KSR2: variants seen among roughly 807,000 people sequenced by gnomAD.
KSR2 encodes the protein kinase suppressor of ras 2.
Under a neutral mutation model 107.8 loss-of-function variants are expected in KSR2, and 25 were observed. The ratio of observed to expected loss-of-function variants is 0.23; its 90% CI spans 0.17 to 0.32. KSR2 has a LOEUF of 0.32. KSR2 is among the 10% of genes least tolerant of loss of function. The pLI is 1.00. For missense variants in KSR2, 887 were observed against 1,268.9 expected, an observed-to-expected ratio of 0.70 and a Z score of 4.57; for synonymous variants, 480 against 507.0, an observed-to-expected ratio of 0.95 and a Z score of 0.71.
At position 117,463,391 on chromosome 12, in the gene KSR2, C is replaced by G. The variant is rs545791528; in HGVS notation, c.*3808G>C. 6.6e-6 allele frequency: 1 copy of G among 152,344 alleles called. No individual in the cohort carries two copies. The highest frequency in any genetic ancestry group is 1.9e-4 in the East Asian group (1 of 5,178). The allele number at this position is 152,344 out of a possible 1,614,324, so 9.4% of individuals were successfully genotyped here. ...TCCCCTGACAGCCATATCCAATCCT[C>G]TCTATCAAAGGCTAGCAAAGTTAGG... On this transcript the variant is annotated 3_prime_UTR_variant, in exon 20 of 20. Coordinates refer to ENST00000339824, the MANE Select transcript of KSR2 (RefSeq NM_173598.6).
At chr12:117,902,267 TG>T (rs1349389078) in intron 1 of KSR2, among the ~76,000 whole-genome samples, 3 of 152,144 alleles carry the variant, frequency 2.0e-5, no homozygotes, top group Admixed American at 6.6e-5. Context: ...GAGACCAGCC[TG>T]GCCAACATGG....
chr12:117,553,136 G>A (rs1448401830), intron 9 of KSR2, among the ~76,000 whole-genome samples: 1 of 152,238 alleles, frequency 6.6e-6, no homozygotes, highest in African/African-American at 2.4e-5. Flanking sequence ...CAGCTAATAA[G>A]CAAAGGAAGC....
rs140881609 is a variant in KSR2, at chr12:117,711,222, C to T, written c.987-43564G>A. ...AACAATTTTAAAGTGCCTCACGTGC[C>T]ATTAAGGAAACACACCAGGAGCTGA... On this transcript the variant is annotated intron_variant, in intron 4 of 19. Coordinates refer to ENST00000339824, the MANE Select transcript of KSR2 (RefSeq NM_173598.6). Among the ~76,000 whole-genome samples, 1,028 of 152,308 alleles carry T rather than the reference C, an allele frequency of 6.7e-3. 36 individuals are homozygous for T. The highest frequency in any genetic ancestry group is 0.056 in the Admixed American group (856 of 15,294).
chr12:117,861,537 C>T lies in KSR2; in HGVS notation c.181-1106G>A, dbSNP rs555780927. ...CCGAGTAGCTGGGACTACAGGCGCCCGCCACCACACCCGGCTAATTTTTTG... is the reference window on the plus strand; with the variant it reads ...CCGAGTAGCTGGGACTACAGGCGCCTGCCACCACACCCGGCTAATTTTTTG... On this transcript the variant is annotated intron_variant, in intron 1 of 19. Transcript: ENST00000339824. 2.3e-4 allele frequency among the ~76,000 whole-genome samples: 35 copies of T among 151,638 alleles called. 2 individuals carry two copies. The South Asian group carries it at 6.7e-3, about 29-fold the overall frequency.
At chr12:117,531,457 C>T (rs1403646131) in intron 11 of KSR2, among the ~76,000 whole-genome samples, 4 of 152,122 alleles carry the variant, frequency 2.6e-5, no homozygotes, top group Non-Finnish European at 4.4e-5. Context: ...CAGGCCTTTC[C>T]ACGGTGCCTT....
At chr12:117,762,495 A>G (rs1030732540) in intron 3 of KSR2, among the ~76,000 whole-genome samples, 2 of 152,226 alleles carry the variant, frequency 1.3e-5, no homozygotes, top group Admixed American at 1.3e-4. Flanking sequence ...GCCATGATAG[A>G]CAAGAAAACA....
chr12:117,726,948 A>G (rs900714529), intron 4 of KSR2, among the ~76,000 whole-genome samples: 1 of 152,190 alleles, frequency 6.6e-6, no homozygotes, highest in African/African-American at 2.4e-5. Context: ...TGCAGCCCCA[A>G]AAAATGTACG....
At chr12:117,934,628 A>G (rs1004679483) in intron 1 of KSR2, among the ~76,000 whole-genome samples, 8 of 152,170 alleles carry the variant, frequency 5.3e-5, no homozygotes, top group East Asian at 1.9e-4. Context: ...CCAGTTTGAG[A>G]TAAGTTTCTC....
intron 5 of KSR2, among the ~76,000 whole-genome samples, chr12:117,656,963 G>GATAT (rs199502933): frequency 0.011 from 937 of 88,802 alleles, 24 homozygotes; most frequent in African/African-American, 0.019. Flanking sequence ...TATATAATAG[G>GATAT]ATATATATAT....
At chr12:117,835,537 AATC>A (rs1217824763) in intron 3 of KSR2, among the ~76,000 whole-genome samples, 6 of 152,068 alleles carry the variant, frequency 3.9e-5, no homozygotes, top group Non-Finnish European at 8.8e-5. Flanking sequence ...GTGTCGTCAT[AATC>A]ATTATCCTCC....
intron 3 of KSR2, among the ~76,000 whole-genome samples, chr12:117,816,244 C>T (rs1408151896): frequency 6.6e-6 from 1 of 152,044 alleles, no homozygotes; most frequent in Non-Finnish European, 1.5e-5. Flanking sequence ...GGAGCCCAAC[C>T]ACCATGCTGT....
In KSR2 at chr12:117,762,868, CA is replaced by C. The variant is rs796642333; in HGVS notation, c.473-1345del. Reference sequence around the variant, plus strand: ...GGGCAACAAGAGTGAAACTCAGTCTCAAAAAAAAAAAAACCTTTTTTTTATT... The same window carrying C: ...GGGCAACAAGAGTGAAACTCAGTCTCAAAAAAAAAAAACCTTTTTTTTATT... On this transcript the variant is annotated intron_variant, in intron 3 of 19. Coordinates refer to ENST00000339824, the MANE Select transcript of KSR2 (RefSeq NM_173598.6). Among the ~76,000 whole-genome samples, 853 of 135,802 alleles carry C rather than the reference CA, an allele frequency of 6.3e-3. 5 individuals are homozygous for C. The highest frequency in any genetic ancestry group is 0.02 in the East Asian group (97 of 4,770). 89.1% of individuals were successfully genotyped at this position (135,802 alleles called of 152,430 possible). A position where few individuals can be genotyped will look rare whatever the true frequency, so the allele number is the denominator to read the frequency against.
intron 5 of KSR2, among the ~76,000 whole-genome samples, chr12:117,656,856 C>A (rs1033405321): frequency 5.3e-5 from 8 of 150,636 alleles, no homozygotes; most frequent in African/African-American, 2.0e-4. Flanking sequence ...AGCTTGCAGA[C>A]AGCCTATTGT....
At chr12:117,661,830 ATAAC>A (rs1256556340) in intron 5 of KSR2, among the ~76,000 whole-genome samples, 1 of 152,220 alleles carries the variant, frequency 6.6e-6, no homozygotes, top group Admixed American at 6.5e-5. Context: ...GATCACCAAA[ATAAC>A]TAGGCAGAAG....
intron 1 of KSR2, among the ~76,000 whole-genome samples, chr12:117,931,733 A>C (rs1895699946): frequency 6.6e-6 from 1 of 152,224 alleles, no homozygotes; most frequent in Non-Finnish European, 1.5e-5. Context: ...TAGAGCTGAG[A>C]AGTTCATTCA....
intron 5 of KSR2, among the ~76,000 whole-genome samples, chr12:117,601,486 A>G (rs1163228020): frequency 6.6e-6 from 1 of 152,150 alleles, no homozygotes; most frequent in East Asian, 1.9e-4. Flanking sequence ...ATGGACACAG[A>G]GACCCACACA....
chr12:117,765,427 G>T (rs1239668938), intron 3 of KSR2, among the ~76,000 whole-genome samples: 1 of 152,152 alleles, frequency 6.6e-6, no homozygotes, highest in Non-Finnish European at 1.5e-5. Context: ...GTGACCTTGG[G>T]CAAATTACTT....
At chr12:117,898,133 A>C (rs77792327) in intron 1 of KSR2, among the ~76,000 whole-genome samples, 1,670 of 152,260 alleles carry the variant, frequency 0.011, 31 homozygotes, top group African/African-American at 0.038. Flanking sequence ...ACTCAAAGGC[A>C]CTTCAAAAGA....
At chr12:117,545,360 A>C (rs1239488479) in intron 9 of KSR2, among the ~76,000 whole-genome samples, 3 of 152,174 alleles carry the variant, frequency 2.0e-5, no homozygotes, top group Non-Finnish European at 4.4e-5. Flanking sequence ...GAGATTGTGT[A>C]CAGTTGGTGT....
Sources: allele counts gnomAD v4.1 joint callset (sites outside exome capture counted in the v4.1 genomes callset), GRCh38; gene constraint gnomAD v4.1.1; transcripts MANE v1.5; gene names NCBI Gene and HGNC (gene_info 2026-07-23, HGNC 2026-07-21).